ANK1: variants seen among roughly 807,000 people sequenced by gnomAD.
The protein encoded by ANK1 is ankyrin-1.
A neutral mutation model predicts 210.4 loss-of-function variants in ANK1; 51 were observed. The ratio of observed to expected loss-of-function variants is 0.24; its 90% CI spans 0.19 to 0.31. The LOEUF (loss-of-function observed/expected upper bound fraction) is 0.31. Ranked by LOEUF, ANK1 falls within the 10% of genes least tolerant of loss-of-function variation. The probability of loss-of-function intolerance (pLI) is 1.00; values close to 1 mark genes in which losing one functional copy is unlikely to be tolerated. For synonymous variants in ANK1, 967 were observed against 1,025.9 expected, an observed-to-expected ratio of 0.94 and a Z score of 1.10; for missense variants, 2,051 against 2,504.4, an observed-to-expected ratio of 0.82 and a Z score of 3.86.
At chr8:41,861,731 C>T (rs1009690795) in intron 1 of ANK1, among the ~76,000 whole-genome samples, 9 of 152,232 alleles carry the variant, frequency 5.9e-5, no homozygotes, top group South Asian at 4.1e-4. Flanking sequence ...CCAAGCCCTC[C>T]GAGGAAATAC....
Position 41,696,684 on chromosome 8 carries a change from C to T in ANK1, c.2727G>A (p.Val909=). Residue 909 remains valine (V), a synonymous_variant, in exon 25 of 43, where the codon GTG becomes GTA. Coordinates refer to ENST00000289734, the MANE Select transcript of ANK1 (RefSeq NM_000037.4). ...CTGCGCCCGCCACTCACCCTGTATG[C>T]ACCGGGCTGGCCACCGGGCTGATGT... is the stretch of plus-strand genomic sequence containing the variant. ...SDNISPVASP[V]HTGFLVSFMV... The T allele has an allele frequency of 1.2e-6, 2 of 1,603,986 alleles. No individual in the cohort carries two copies. The highest frequency in any genetic ancestry group is 1.1e-5 in the South Asian group (1 of 91,052).
chr8:41,767,215 G>T (rs1042918939), intron 1 of ANK1, among the ~76,000 whole-genome samples: 2 of 152,052 alleles, frequency 1.3e-5, no homozygotes, highest in Non-Finnish European at 2.9e-5. Context: ...GCCGGGGAAA[G>T]TTGGCGCCGG....
At chr8:41,655,897 G>C (rs1805520313) in intron 42 of ANK1, 144 bp from the exon 43 acceptor site, 5 of 941,472 alleles carry the variant, frequency 5.3e-6, no homozygotes, top group Non-Finnish European at 8.3e-6. Flanking sequence ...GCGATGTGCT[G>C]AGGGTGCTGC....
At chr8:41,710,847 C>T (rs1825936919) in intron 16 of ANK1, among the ~76,000 whole-genome samples, 1 of 152,232 alleles carries the variant, frequency 6.6e-6, no homozygotes, top group South Asian at 2.1e-4. Context: ...CTGGCCAAGG[C>T]AGTCAAAGCC....
At chr8:41,885,619 G>A (rs1194445129) in intron 1 of ANK1, among the ~76,000 whole-genome samples, 3 of 152,160 alleles carry the variant, frequency 2.0e-5, no homozygotes, top group African/African-American at 7.2e-5. Context: ...GGCTTCACAG[G>A]CTAAACAAGC....
chr8:41,676,334 A>G (rs1317244876), intron 37 of ANK1, among the ~76,000 whole-genome samples: 1 of 152,198 alleles, frequency 6.6e-6, no homozygotes, highest in African/African-American at 2.4e-5. Flanking sequence ...TTCCCAAATC[A>G]CTAATGATGT....
intron 2 of ANK1, among the ~76,000 whole-genome samples, chr8:41,748,723 T>C (rs1003704702): frequency 6.6e-6 from 1 of 152,148 alleles, no homozygotes. Context: ...CTTGGAACAT[T>C]AGAACAGCTC....
intron 1 of ANK1, among the ~76,000 whole-genome samples, chr8:41,822,081 AGAGAGAGAGAGAGAG>A (rs1563844374): frequency 2.3e-4 from 9 of 39,686 alleles, no homozygotes; most frequent in African/African-American, 1.2e-3. Context: ...AGAGAGAGAG[AGAGAGAGAGAGAGAG>A]AGAGAGAGAG....
In ANK1 at chr8:41,754,294, T is replaced by G. The variant is rs896337060; in HGVS notation, c.129+3742A>C. 5.9e-5 allele frequency among the ~76,000 whole-genome samples: 9 copies of G among 152,340 alleles called. No homozygotes were observed. In the South Asian group the frequency reaches 1.7e-3, roughly 28 times the overall value. On this transcript the variant is annotated intron_variant, in intron 2 of 42. Coordinates refer to ENST00000289734, the MANE Select transcript of ANK1 (RefSeq NM_000037.4). Reference sequence around the variant, plus strand: ...GCATTCACATAAGGGGGTTCCTGTATGCACACATGTGTGTGTTCTTACATA... The same window carrying G: ...GCATTCACATAAGGGGGTTCCTGTAGGCACACATGTGTGTGTTCTTACATA...
At chr8:41,728,716 A>C (rs1475620898) in intron 3 of ANK1, among the ~76,000 whole-genome samples, 1 of 152,220 alleles carries the variant, frequency 6.6e-6, no homozygotes, top group Non-Finnish European at 1.5e-5. Context: ...AATAATTAAA[A>C]ATAAAAAATT....
chr8:41,694,667 C>T lies in ANK1; in HGVS notation c.3252G>A (p.Lys1084=). The change falls in exon 28 of 43, where the codon AAG becomes AAA. Residue 1084 remains lysine, a synonymous_variant. Coordinates refer to ENST00000289734, the MANE Select transcript of ANK1 (RefSeq NM_000037.4). The surrounding 1 kb of genome is among the most constrained non-coding windows in gnomAD (Gnocchi z 5.7). ...DTIGPEGGSL[K]SKLVPLVQAT... is the part of the protein sequence containing the mutation. The stretch of plus-strand genomic sequence containing the variant: ...CCTGTACCAGGGGCACCAGCTTGCT[C>T]TTCAGGGAGCCCCCTTCGGGACCGA... The T allele has an allele frequency of 2.5e-6, 4 of 1,614,156 alleles. No individual in the cohort carries two copies. Among genetic ancestry groups the T allele is most frequent in the Non-Finnish European group, 3.4e-6 (4 of 1,180,014 alleles).
intron 1 of ANK1, among the ~76,000 whole-genome samples, chr8:41,855,953 T>C (rs1812107593): frequency 6.6e-6 from 1 of 151,978 alleles, no homozygotes; most frequent in Non-Finnish European, 1.5e-5. Flanking sequence ...ATCTAGAGCT[T>C]CAAAGGGGCA....
intron 1 of ANK1, among the ~76,000 whole-genome samples, chr8:41,885,069 A>C (rs539344361): frequency 6.6e-6 from 1 of 152,268 alleles, no homozygotes; most frequent in East Asian, 1.9e-4. Context: ...TGTTTGAAAA[A>C]AAAAAAGGGG....
rs1435943365 is a variant in ANK1 at position 41,864,426 on chromosome 8, C to T, written c.126+31929G>A. 3.9e-5 allele frequency among the ~76,000 whole-genome samples: 6 copies of T among 152,228 alleles called. No homozygotes were observed. In the East Asian group the frequency reaches 9.7e-4, roughly 24 times the overall value. On this transcript the variant is annotated intron_variant, in intron 1 of 42. Coordinates refer to the ANK1 transcript ENST00000265709. ...GACAATCCCCTGAGCAGAGGCGAGC[C>T]AGCCTGTGAGTGCACCTCCTGCCCA... is the stretch of plus-strand genomic sequence containing the variant.
At chr8:41,868,392 TGG>T (rs960451410) in intron 1 of ANK1, among the ~76,000 whole-genome samples, 2 of 152,170 alleles carry the variant, frequency 1.3e-5, no homozygotes, top group African/African-American at 4.8e-5. Context: ...CCTGGGGCGG[TGG>T]GGAAGGGCAA....
At chr8:41,723,801 T>C (rs569289226) in intron 7 of ANK1, among the ~76,000 whole-genome samples, 168 bp from the exon 8 acceptor site, 8 of 150,334 alleles carry the variant, frequency 5.3e-5, no homozygotes, top group Admixed American at 5.3e-4. Context: ...TATTTTTTTT[T>C]TTTTTTGAGA....
At chr8:41,894,639 G>T (rs535886478) in intron 1 of ANK1, among the ~76,000 whole-genome samples, 2 of 152,300 alleles carry the variant, frequency 1.3e-5, no homozygotes, top group East Asian at 3.9e-4. Context: ...GAGAGAGGTG[G>T]ATGAGAACAC....
At chr8:41,803,092 A>G (rs1313583492) in intron 1 of ANK1, among the ~76,000 whole-genome samples, 7 of 81,766 alleles carry the variant, frequency 8.6e-5, no homozygotes, top group African/African-American at 2.3e-4. Context: ...AGGGAAGGAA[A>G]GGAAAGGAAA....
At chr8:41,756,419 C>G (rs1839169755) in intron 2 of ANK1, among the ~76,000 whole-genome samples, 2 of 151,694 alleles carry the variant, frequency 1.3e-5, no homozygotes, top group African/African-American at 2.4e-5. Flanking sequence ...GCTGGGATTA[C>G]AGGTGTGAGC....
Sources: gnomAD v4.1 joint callset for allele counts (sites outside exome capture counted in the v4.1 genomes callset) on GRCh38, gnomAD v4.1.1 for gene constraint, Gnocchi (gnomAD v3.1) non-coding constraint, MANE v1.5 for transcripts, NCBI Gene and HGNC (gene_info 2026-07-23, HGNC 2026-07-21) for gene names.